THSD7B: variants seen among roughly 807,000 people sequenced by gnomAD.
THSD7B encodes thrombospondin type-1 domain-containing protein 7B.
A neutral mutation model predicts 213.6 loss-of-function variants in THSD7B; 138 were observed. That is an observed-to-expected ratio of 0.65 (90% CI 0.56 to 0.74). THSD7B has a LOEUF of 0.74. Ranked by LOEUF, THSD7B falls within the 30% of genes least tolerant of loss-of-function variation. The pLI, the probability that THSD7B is intolerant of heterozygous loss-of-function variation, is 0.00. For missense variants in THSD7B, 1,931 were observed against 1,991.5 expected (o/e 0.97, Z 0.58); for synonymous variants, 742 against 687.0 (o/e 1.08, Z -1.25).
At position 136,943,320 on chromosome 2, in the gene THSD7B, G is replaced by C. The variant is rs570306970; in HGVS notation, c.139+61003G>C. ...AGGATTTTTGCATCAATGTTCATCA[G>C]GGATATTGGTCTAAAATTCTCTTTT... On this transcript the variant is annotated intron_variant, in intron 2 of 27. Transcript: ENST00000409968. Among the ~76,000 whole-genome samples, 11 of 152,284 alleles carry C rather than the reference G, an allele frequency of 7.2e-5. No homozygotes were observed. In the South Asian group the frequency reaches 2.3e-3, roughly 32 times the overall value.
intron 1 of THSD7B, among the ~76,000 whole-genome samples, chr2:136,791,227 C>A (rs192086968): frequency 6.6e-6 from 1 of 152,058 alleles, no homozygotes; most frequent in East Asian, 1.9e-4. Context: ...TACAAAACTA[C>A]ACTTTTTAAT....
At chr2:137,509,309 C>T (rs1352419100) in intron 15 of THSD7B, among the ~76,000 whole-genome samples, 1 of 147,264 alleles carries the variant, frequency 6.8e-6, no homozygotes, top group Non-Finnish European at 1.5e-5. Context: ...CTTCTTTCCT[C>T]TCTCTTTCTT....
intron 2 of THSD7B, among the ~76,000 whole-genome samples, chr2:136,963,179 C>A (rs1459469568): frequency 6.6e-6 from 1 of 152,130 alleles, no homozygotes; most frequent in Non-Finnish European, 1.5e-5. Flanking sequence ...TTTGGGTTGG[C>A]CTGTTTGACA....
chr2:137,496,682 T>A (rs1679576788), intron 15 of THSD7B, among the ~76,000 whole-genome samples: 1 of 152,208 alleles, frequency 6.6e-6, no homozygotes, highest in South Asian at 2.1e-4. Flanking sequence ...ATTTATAAGA[T>A]AAACTCTTGT....
chr2:137,658,323 G>C (rs185226178), intron 24 of THSD7B, among the ~76,000 whole-genome samples: 182 of 152,252 alleles, frequency 1.2e-3, no homozygotes, highest in Admixed American at 8.4e-3. Flanking sequence ...GAGAGTTAAC[G>C]TACTGGTAGG....
chr2:137,102,804 T>C (rs1238906267), intron 4 of THSD7B, among the ~76,000 whole-genome samples: 1 of 152,136 alleles, frequency 6.6e-6, no homozygotes, highest in Non-Finnish European at 1.5e-5. Context: ...GAAGATCAAC[T>C]TAATGAAATA....
At chr2:136,847,012 A>T (rs936256419) in intron 1 of THSD7B, among the ~76,000 whole-genome samples, 1 of 152,056 alleles carries the variant, frequency 6.6e-6, no homozygotes, top group Non-Finnish European at 1.5e-5. Context: ...TTCATTGAAT[A>T]TAATTTTTCT....
chr2:137,272,603 C>T lies in THSD7B; in HGVS notation c.2337C>T (p.Cys779=), dbSNP rs1682772106. Residue 779 remains cysteine, a synonymous_variant, in exon 11 of 28, where the codon TGC becomes TGT. Coordinates refer to ENST00000409968, the MANE Select transcript of THSD7B (RefSeq NM_001316349.2). ...IQEAANGGQE[C]PDTLYEEREC... is the part of the protein sequence containing the mutation. ...AAGCAGCCAATGGAGGCCAGGAATG[C>T]CCAGATACCTTATATGAGGAGAGAG... is the stretch of plus-strand genomic sequence containing the variant. 3 of 1,612,048 alleles carry T rather than the reference C, an allele frequency of 1.9e-6. No homozygotes were observed. The highest frequency in any genetic ancestry group is 3.4e-5 in the Admixed American group (2 of 59,674).
intron 8 of THSD7B, among the ~76,000 whole-genome samples, chr2:137,232,129 G>C (rs1038926494): frequency 6.6e-6 from 1 of 152,154 alleles, no homozygotes; most frequent in African/African-American, 2.4e-5. Context: ...GGGCATTTGG[G>C]CCACTGAATA....
intron 3 of THSD7B, among the ~76,000 whole-genome samples, chr2:137,090,099 A>T (rs1157770056): frequency 6.6e-6 from 1 of 152,028 alleles, no homozygotes; most frequent in Non-Finnish European, 1.5e-5. Context: ...AAAAAAATTA[A>T]AAAAATAAAA....
At chr2:137,453,243 A>G (rs1687687250) in intron 15 of THSD7B, among the ~76,000 whole-genome samples, 1 of 151,900 alleles carries the variant, frequency 6.6e-6, no homozygotes, top group African/African-American at 2.4e-5. Context: ...TTATGAATAC[A>G]GTGTGGAAAA....
rs1688481420 is a variant in THSD7B, at chr2:137,487,387, A to AC, written c.3138+36364_3138+36365insC. ...GAGACTCCGTCTCAAAAAAAAAAAA[A>AC]AAAAAAAAAAAAGAACTAGAAAAGC... On this transcript the variant is annotated intron_variant, in intron 15 of 27. Transcript: ENST00000409968. Among the ~76,000 whole-genome samples, 3 of 142,382 alleles carry AC rather than the reference A, an allele frequency of 2.1e-5. 1 individual carries two copies. The highest frequency in any genetic ancestry group is 8.0e-5 in the African/African-American group (3 of 37,292). The allele number at this position is 142,382 out of a possible 152,430, so 93.4% of individuals were successfully genotyped here.
At chr2:136,926,629 G>A (rs1684530861) in intron 2 of THSD7B, among the ~76,000 whole-genome samples, 1 of 151,924 alleles carries the variant, frequency 6.6e-6, no homozygotes, top group Non-Finnish European at 1.5e-5. Context: ...GAGAGGTCAA[G>A]GCTTCAGTGA....
chr2:137,202,270 A>T lies in THSD7B; in HGVS notation c.1724-28774A>T, dbSNP rs143573918. ...CCACATCAAATCCCTGGAACTTGTG[A>T]ATGTGATCTTAAAAATTTGGGAAAA... On this transcript the variant is annotated intron_variant, in intron 7 of 27. Coordinates refer to ENST00000409968, the MANE Select transcript of THSD7B (RefSeq NM_001316349.2). Among the ~76,000 whole-genome samples the T allele has an allele frequency of 5.5e-3, 845 of 152,282 alleles. 13 individuals carry two copies. Among genetic ancestry groups the T allele is most frequent in the East Asian group, 0.033 (172 of 5,178 alleles).
rs1680728372 is a variant in THSD7B, at chr2:137,546,437, ATATATATTATATATATAT to A, written c.3139-16776_3139-16759del. 2.1e-4 allele frequency among the ~76,000 whole-genome samples: 5 copies of A among 23,852 alleles called. 1 individual carries two copies. The highest frequency in any genetic ancestry group is 3.7e-3 in the South Asian group (2 of 542). 15.6% of individuals were successfully genotyped at this position (23,852 alleles called of 152,430 possible). On this transcript the variant is annotated intron_variant, in intron 15 of 27. Coordinates refer to ENST00000409968, the MANE Select transcript of THSD7B (RefSeq NM_001316349.2). ...ATATTATATATATTATATATATATT[ATATATATTATATATATAT>A]TATATATAATATATATATATATAAT...
At chr2:137,390,150 G>T (rs976809795) in intron 12 of THSD7B, among the ~76,000 whole-genome samples, 1 of 152,096 alleles carries the variant, frequency 6.6e-6, no homozygotes, top group African/African-American at 2.4e-5. Flanking sequence ...TAGTGTGGTC[G>T]TTCTTACAAT....
intron 1 of THSD7B, among the ~76,000 whole-genome samples, chr2:136,795,555 C>A (rs1020309952): frequency 6.6e-6 from 1 of 151,958 alleles, no homozygotes; most frequent in African/African-American, 2.4e-5. Flanking sequence ...GGCCGTTATC[C>A]TGCCTATTAC....
intron 2 of THSD7B, among the ~76,000 whole-genome samples, chr2:136,916,710 C>T (rs533122039): frequency 4.3e-4 from 65 of 152,328 alleles, no homozygotes; most frequent in African/African-American, 1.2e-3. Flanking sequence ...CTTACCTTCC[C>T]TTGCCTCCTT....
rs1321596525 is a variant in THSD7B, at chr2:137,095,052, A to C, written c.1130A>C (p.Lys377Thr). ...AAGCACATGGCTATTGGAGGTGGAA[A>C]GGAGTGTCCTGAACTTCTTGAGAAA... The part of the protein sequence containing the change: ...NVKHMAIGGG[K>T]ECPELLEKEA... Residue 377 changes from lysine to threonine, a missense_variant, in exon 4 of 28, where the codon AAG becomes ACG. By Grantham distance (78) the Lys-to-Thr change is moderately conservative. Coordinates refer to ENST00000409968, the MANE Select transcript of THSD7B (RefSeq NM_001316349.2). 2.5e-6 allele frequency: 4 copies of C among 1,613,764 alleles called. No homozygotes were observed. The highest frequency in any genetic ancestry group is 3.4e-6 in the Non-Finnish European group (4 of 1,179,866).
Sources: gnomAD v4.1 joint callset for allele counts (sites outside exome capture counted in the v4.1 genomes callset) on GRCh38, gnomAD v4.1.1 for gene constraint, MANE v1.5 for transcripts, NCBI Gene and HGNC (gene_info 2026-07-23, HGNC 2026-07-21) for gene names.